Variants in SIRPD observed in about 807,000 individuals in gnomAD.
SIRPD encodes signal regulatory protein delta.
A neutral mutation model predicts 18.0 loss-of-function variants in SIRPD; 21 were observed. The observed-to-expected ratio is 1.17, with a 90% CI of 0.83 to 1.68. The LOEUF (loss-of-function observed/expected upper bound fraction) is 1.68. Among genes scored for constraint, SIRPD ranks in the 40% most tolerant of loss-of-function variants. The pLI is 0.00. For synonymous variants in SIRPD, 106 were observed against 92.9 expected (o/e 1.14, Z -0.81); for missense variants, 295 against 238.4 (o/e 1.24, Z -1.56).
rs561969886 is a variant in SIRPD, at chr20:1,551,041, C to T, written c.421+650G>A. Among the ~76,000 whole-genome samples the T allele has an allele frequency of 2.6e-5, 4 of 152,244 alleles. No individual in the cohort carries two copies. In the South Asian group the frequency reaches 8.3e-4, roughly 32 times the overall value. Reference sequence around the variant, plus strand: ...ACACTACAACACACTGTGGGATGTGCGACTTTTATCATTCTTGTAGCCCTT... The same window carrying T: ...ACACTACAACACACTGTGGGATGTGTGACTTTTATCATTCTTGTAGCCCTT... On this transcript the variant is annotated intron_variant, in intron 2 of 3. Coordinates refer to ENST00000381623, the MANE Select transcript of SIRPD (RefSeq NM_178460.3).
intron 2 of SIRPD, among the ~76,000 whole-genome samples, chr20:1,544,336 G>A (rs921122016): frequency 1.3e-5 from 2 of 151,624 alleles, no homozygotes; most frequent in African/African-American, 2.4e-5. Flanking sequence ...AGCTCTTTTT[G>A]TTTTATTGAT....
At chr20:1,554,737 G>A (rs189758526) in intron 1 of SIRPD, among the ~76,000 whole-genome samples, 100 of 152,114 alleles carry the variant, frequency 6.6e-4, no homozygotes, top group East Asian at 4.1e-3. Flanking sequence ...CTCCCATACC[G>A]GGTGTTCTGT....
intron 3 of SIRPD, among the ~76,000 whole-genome samples, chr20:1,536,628 A>AT (rs1290364349): frequency 3.3e-5 from 5 of 152,018 alleles, no homozygotes; most frequent in African/African-American, 1.2e-4. Flanking sequence ...CCATTTAGCA[A>AT]TTTTTTCTAA....
At chr20:1,550,550 C>T (rs6110434) in intron 2 of SIRPD, among the ~76,000 whole-genome samples, 1 of 152,160 alleles carries the variant, frequency 6.6e-6, no homozygotes, top group African/African-American at 2.4e-5. Flanking sequence ...AAATCCAATC[C>T]TTTAGTCCCT....
chr20:1,548,437 A>T lies in SIRPD; in HGVS notation c.421+3254T>A, dbSNP rs142867812. On this transcript the variant is annotated intron_variant, in intron 2 of 3. Transcript: ENST00000381623. ...TAATTGACATTCAGATATTAAACCAACCTTGTATTCATGGGATAAATCCCA... is the reference window on the plus strand; with the variant it reads ...TAATTGACATTCAGATATTAAACCATCCTTGTATTCATGGGATAAATCCCA... Among the ~76,000 whole-genome samples, 28 of 152,250 alleles carry T rather than the reference A, an allele frequency of 1.8e-4. 1 individual carries two copies. In the East Asian group the frequency reaches 5.4e-3, roughly 29 times the overall value.
At chr20:1,554,331 G>T (rs955647254) in intron 1 of SIRPD, 1 of 152,558 alleles carries the variant, frequency 6.6e-6, no homozygotes, top group East Asian at 1.9e-4. Flanking sequence ...TATGTTCTCT[G>T]TCTTGGCTCA....
At chr20:1,545,719 C>A (rs955832894) in intron 2 of SIRPD, among the ~76,000 whole-genome samples, 18 of 152,120 alleles carry the variant, frequency 1.2e-4, no homozygotes, top group African/African-American at 3.9e-4. Flanking sequence ...GAGTTTTCAG[C>A]TTTTTTGCGC....
Position 1,553,056 on chromosome 20 carries a change from G to A in SIRPD, c.74-1018C>T, listed in dbSNP as rs73569183. Among the ~76,000 whole-genome samples, 1,390 of 152,238 alleles carry A rather than the reference G, an allele frequency of 9.1e-3. 22 individuals carry two copies. Among genetic ancestry groups the A allele is most frequent in the African/African-American group, 0.033 (1,356 of 41,522 alleles). ...GGTTATCCTGGGAATAAAAATACTG[G>A]GAATTAAAGAACAGTGGGGCTGGGC... is the stretch of plus-strand genomic sequence containing the variant. On this transcript the variant is annotated intron_variant, in intron 1 of 3. Transcript: ENST00000381623.
chr20:1,557,560 A>G (rs748419726), intron 1 of SIRPD, 21 bp downstream of exon 1: 1 of 1,544,576 alleles, frequency 6.5e-7, no homozygotes, highest in Admixed American at 1.9e-5. Flanking sequence ...CACCACACAC[A>G]TACACTGAGG....
intron 2 of SIRPD, among the ~76,000 whole-genome samples, chr20:1,539,484 T>C (rs2090961390): frequency 6.6e-6 from 1 of 152,222 alleles, no homozygotes; most frequent in South Asian, 2.1e-4. Context: ...TTACATCAAA[T>C]TTGTTAATCA....
chr20:1,545,142 T>C (rs1035629396), intron 2 of SIRPD, among the ~76,000 whole-genome samples: 1 of 152,208 alleles, frequency 6.6e-6, no homozygotes, highest in East Asian at 1.9e-4. Flanking sequence ...CTGTATTTCC[T>C]GAATTTGAAT....
chr20:1,552,625 T>C (rs2091024454), intron 1 of SIRPD, among the ~76,000 whole-genome samples: 1 of 152,120 alleles, frequency 6.6e-6, no homozygotes, highest in Non-Finnish European at 1.5e-5. Flanking sequence ...CAAAAAGAGA[T>C]TAGAACCTCA....
chr20:1,555,972 G>C (rs536776448), intron 1 of SIRPD, among the ~76,000 whole-genome samples: 1 of 152,280 alleles, frequency 6.6e-6, no homozygotes, highest in South Asian at 2.1e-4. Flanking sequence ...CAGAATTCAG[G>C]TCTTTGTGGT....
chr20:1,535,003 A>G (rs1418514265), intron 3 of SIRPD, among the ~76,000 whole-genome samples: 2 of 152,214 alleles, frequency 1.3e-5, no homozygotes, highest in African/African-American at 4.8e-5. Flanking sequence ...ACAATATAGA[A>G]AAGTTTGATG....
chr20:1,534,832 T>C (rs1600059712), intron 3 of SIRPD, among the ~76,000 whole-genome samples: 2 of 152,366 alleles, frequency 1.3e-5, no homozygotes, highest in Middle Eastern at 3.4e-3. Context: ...TCACGTTTCA[T>C]TGGGAAATGG....
At chr20:1,551,428 T>C (rs1361976474) in intron 2 of SIRPD, among the ~76,000 whole-genome samples, 1 of 152,228 alleles carries the variant, frequency 6.6e-6, no homozygotes, top group Non-Finnish European at 1.5e-5. Context: ...TTATCCTAGT[T>C]GGCTTAGGTT....
rs141049340 is a variant in SIRPD at position 1,540,326 on chromosome 20, C to T, written c.422-3016G>A. 5.7e-5 allele frequency: 26 copies of T among 456,054 alleles called. No individual in the cohort carries two copies. In the East Asian group the frequency reaches 1.6e-3, roughly 28 times the overall value. The allele number at this position is 456,054 out of a possible 1,614,324, so 28.3% of individuals were successfully genotyped here. On this transcript the variant is annotated intron_variant, in intron 2 of 3. Coordinates refer to ENST00000381623, the MANE Select transcript of SIRPD (RefSeq NM_178460.3). ...GATTTCAGACTTCTGGCTTCTAGAA[C>T]TGTAAGAGACTAAATTTGGTTTTTA...
Position 1,534,404 on chromosome 20 carries a change from T to C in SIRPD, c.*21A>G. The C allele has an allele frequency of 6.2e-7, 1 of 1,612,328 alleles. No homozygotes were observed. Among genetic ancestry groups the C allele is most frequent in the Non-Finnish European group, 8.5e-7 (1 of 1,179,720 alleles). ...TATGGGGGCTTTTGTTATTTACTTG[T>C]ACGTTCCTTCCCTGTTTGGATTATT... On this transcript the variant is annotated 3_prime_UTR_variant, in exon 4 of 4. Transcript: ENST00000381623.
chr20:1,543,308 A>T (rs2090980076), intron 2 of SIRPD, among the ~76,000 whole-genome samples: 1 of 151,932 alleles, frequency 6.6e-6, no homozygotes, highest in East Asian at 1.9e-4. Flanking sequence ...TCAATTTCGG[A>T]ACTTGTTATT....
Sources: allele counts gnomAD v4.1 joint callset (sites outside exome capture counted in the v4.1 genomes callset), GRCh38; gene constraint gnomAD v4.1.1; transcripts MANE v1.5; gene names NCBI Gene and HGNC (gene_info 2026-07-23, HGNC 2026-07-21).